CLEC20A: variants seen among roughly 807,000 people sequenced by gnomAD.
CLEC20A encodes C-type lectin domain containing 20A.
At position 178,489,820 on chromosome 1, in the gene CLEC20A, T is replaced by C. The variant is rs74129211; in HGVS notation, c.829+252A>G. On this transcript the variant is annotated intron_variant, in intron 4 of 7. Coordinates refer to ENST00000623247, the Ensembl canonical transcript of CLEC20A. ...TCCAATAACGCATTGCTCTTGCTAA[T>C]TGCCACTGCCCTAAGGCTGGATGGA... 5.9e-3 allele frequency among the ~76,000 whole-genome samples: 899 copies of C among 152,372 alleles called. 9 individuals carry two copies. The highest frequency in any genetic ancestry group is 0.02 in the African/African-American group (836 of 41,580).
At chr1:178,488,479 G>A in intron 5 of CLEC20A, 22 bp downstream of exon 5, 1 of 398,784 alleles carries the variant, frequency 2.5e-6, no homozygotes, top group Non-Finnish European at 4.4e-6. Flanking sequence ...CCCAGATCCA[G>A]CCAAGGGCAG....
intron 4 of CLEC20A, among the ~76,000 whole-genome samples, 156 bp from the exon 5 acceptor site, chr1:178,488,755 G>A (rs1349909461): frequency 6.6e-6 from 1 of 152,240 alleles, no homozygotes; most frequent in Non-Finnish European, 1.5e-5. Flanking sequence ...GCCAATCCCT[G>A]CAGGAGACAC....
chr1:178,479,953 CATTGAACAATT>C (rs1290367885), intron 7 of CLEC20A: 2 of 159,356 alleles, frequency 1.3e-5, no homozygotes, highest in Non-Finnish European at 2.7e-5. Flanking sequence ...TGAGCTCCAC[CATTGAACAATT>C]AAATAGAATC....
chr1:178,491,204 A>G (rs561131781), intron 3 of CLEC20A, among the ~76,000 whole-genome samples: 21 of 152,308 alleles, frequency 1.4e-4, no homozygotes, highest in African/African-American at 4.8e-4. Context: ...TCGCCGGTGC[A>G]GCTCATAAGC....
intron 7 of CLEC20A, chr1:178,481,931 C>CATT (rs957484830): frequency 6.1e-6 from 1 of 163,304 alleles, no homozygotes; most frequent in African/African-American, 2.5e-5. Context: ...GTGAGTTAGG[C>CATT]ATTATTATTA....
intron 3 of CLEC20A, among the ~76,000 whole-genome samples, 163 bp from the exon 4 acceptor site, chr1:178,490,600 T>C (rs535843771): frequency 1.3e-5 from 2 of 152,292 alleles, no homozygotes; most frequent in East Asian, 3.9e-4. Context: ...GTAGACTAAA[T>C]ACCAGGATGG....
At chr1:178,485,053 T>A (rs143688751) in intron 5 of CLEC20A, among the ~76,000 whole-genome samples, 1 of 152,396 alleles carries the variant, frequency 6.6e-6, no homozygotes, top group African/African-American at 2.4e-5. Context: ...AGGAAACATC[T>A]GTATTTTCAT....
intron 5 of CLEC20A, among the ~76,000 whole-genome samples, chr1:178,487,678 C>T (rs754354015): frequency 2.6e-5 from 4 of 152,232 alleles, no homozygotes; most frequent in Non-Finnish European, 4.4e-5. Flanking sequence ...CAGAACAAAC[C>T]TTCCCTTTTC....
chr1:178,493,142 G>A (rs1216416892), intron 2 of CLEC20A, among the ~76,000 whole-genome samples: 1 of 152,202 alleles, frequency 6.6e-6, no homozygotes, highest in African/African-American at 2.4e-5. Flanking sequence ...GTGCAGAGCT[G>A]GAGAGAGGTC....
At chr1:178,495,506 G>A (rs575447056) in intron 1 of CLEC20A, among the ~76,000 whole-genome samples, 1 of 152,236 alleles carries the variant, frequency 6.6e-6, no homozygotes, top group African/African-American at 2.4e-5. Context: ...CTAGCATCAG[G>A]ATTTTTTAAA....
exon 5 of CLEC20A, chr1:178,488,511 C>A (rs995945783): frequency 7.5e-6 from 3 of 398,776 alleles, no homozygotes; most frequent in Middle Eastern, 6.3e-4. Context: ...CTCTGCCTGG[C>A]CTGGGAGTTG....
intron 5 of CLEC20A, among the ~76,000 whole-genome samples, 172 bp downstream of exon 5, chr1:178,488,329 G>A (rs530552773): frequency 1.3e-5 from 2 of 152,320 alleles, no homozygotes; most frequent in Admixed American, 6.5e-5. Flanking sequence ...GGTGGGGAGC[G>A]GAGGGAAACT....
intron 5 of CLEC20A, 114 bp from the exon 6 acceptor site, chr1:178,483,396 C>A (rs1164621681): frequency 2.3e-5 from 9 of 395,560 alleles, no homozygotes; most frequent in Non-Finnish European, 4.5e-6. Context: ...CTGCTAGGCA[C>A]ACAGTTGCTG....
intron 5 of CLEC20A, chr1:178,486,811 G>C (rs1162505699): frequency 7.5e-6 from 3 of 398,466 alleles, no homozygotes; most frequent in East Asian, 3.6e-5. Flanking sequence ...CGCACTCTGG[G>C]CAGTGACCGG....
chr1:178,494,004 GA>G (rs934869614), intron 2 of CLEC20A, among the ~76,000 whole-genome samples: 1 of 152,238 alleles, frequency 6.6e-6, no homozygotes, highest in Non-Finnish European at 1.5e-5. Flanking sequence ...GCCACAGAGA[GA>G]AAGTGATGTG....
chr1:178,485,953 G>A (rs1649130836), intron 5 of CLEC20A, among the ~76,000 whole-genome samples: 1 of 152,172 alleles, frequency 6.6e-6, no homozygotes, highest in African/African-American at 2.4e-5. Flanking sequence ...AGAGAACTGA[G>A]ATTAAAATGG....
chr1:178,479,455 A>C (rs1324930625), exon 8 of CLEC20A: 2 of 395,856 alleles, frequency 5.1e-6, no homozygotes, highest in Admixed American at 4.4e-5. Flanking sequence ...ATCTTGTTCT[A>C]CTAGGGATTA....
At chr1:178,489,744 A>G (rs2101871186) in intron 4 of CLEC20A, among the ~76,000 whole-genome samples, 1 of 152,316 alleles carries the variant, frequency 6.6e-6, no homozygotes, top group East Asian at 1.9e-4. Flanking sequence ...GATGCTGCCC[A>G]CCTTATTTCT....
chr1:178,480,803 A>T (rs1419156862), intron 7 of CLEC20A: 1 of 152,094 alleles, frequency 6.6e-6, no homozygotes, highest in Non-Finnish European at 1.5e-5. Flanking sequence ...AATTAAAAAA[A>T]AAAGTAAACA....
Sources: allele counts gnomAD v4.1 joint callset (sites outside exome capture counted in the v4.1 genomes callset), GRCh38; gene constraint gnomAD v4.1.1; transcripts MANE v1.5; gene names NCBI Gene and HGNC (gene_info 2026-07-23, HGNC 2026-07-21).